Variants in POU4F1 observed in about 807,000 individuals in gnomAD.
POU4F1 encodes POU class 4 homeobox 1, also known as POU domain, class 4, transcription factor 1.
POU4F1 carries 5 observed loss-of-function variants against 19.8 expected under a neutral mutation model. The observed-to-expected ratio is 0.25, with a 90% CI of 0.13 to 0.53. The LOEUF (loss-of-function observed/expected upper bound fraction) is 0.53. POU4F1 is among the 20% of genes least tolerant of loss of function. POU4F1 has a pLI of 0.96. For synonymous variants in POU4F1, 266 were observed against 247.7 expected, an observed-to-expected ratio of 1.07 and a Z score of -0.69; for missense variants, 408 against 511.6, an observed-to-expected ratio of 0.80 and a Z score of 1.95.
At position 78,601,553 on chromosome 13, in the gene POU4F1, G is replaced by A. The variant is rs147924260; in HGVS notation, c.1122C>T (p.Phe374=). 1.2e-3 allele frequency: 1,881 copies of A among 1,613,968 alleles called. 6 individuals are homozygous for A. Among genetic ancestry groups the A allele is most frequent in the Non-Finnish European group, 1.5e-3 (1,800 of 1,180,038 alleles). ...APEKRSLEAY[F]AVQPRPSSEK... ...CGGACGAGGGCCGGGGCTGCACGGCGAAGTAGGCCTCGAGGGAGCGCTTCT... is the reference window on the plus strand; with the variant it reads ...CGGACGAGGGCCGGGGCTGCACGGCAAAGTAGGCCTCGAGGGAGCGCTTCT... The change falls in exon 2 of 2, where the codon TTC becomes TTT. Residue 374 remains phenylalanine, a synonymous_variant. Transcript: ENST00000377208.
Position 78,601,487 on chromosome 13 carries a change from C to T in POU4F1, c.1188G>A (p.Lys396=), listed in dbSNP as rs1433445422. The part of the protein sequence containing the change: ...AAIAEKLDLK[K]NVVRVWFCNQ... ...TGCAAAACCACACCCGCACCACGTT[C>T]TTTTTGAGGTCCAGTTTCTCGGCGA... is the stretch of plus-strand genomic sequence containing the variant. The change falls in exon 2 of 2, where the codon AAG becomes AAA. Residue 396 remains lysine (K), a synonymous_variant. Transcript: ENST00000377208. 1.2e-6 allele frequency: 2 copies of T among 1,613,884 alleles called. No homozygotes were observed. The highest frequency in any genetic ancestry group is 1.7e-6 in the Non-Finnish European group (2 of 1,180,018).
chr13:78,601,673 C>T lies in POU4F1; in HGVS notation c.1002G>A (p.Glu334=), dbSNP rs912515627. Residue 334 remains glutamate, a synonymous_variant, in exon 2 of 2, where the codon GAG becomes GAA. Coordinates refer to ENST00000377208, the MANE Select transcript of POU4F1 (RefSeq NM_006237.4). ...TCTCGCGCTGGGCGCCCTCGGCCTC[C>T]TCGAGCCACGCCTGCAGGATGGGCT... is the stretch of plus-strand genomic sequence containing the variant. The part of the protein sequence containing the change: ...ALKPILQAWL[E]EAEGAQREKM... 6.2e-7 allele frequency: 1 copy of T among 1,613,762 alleles called. No individual in the cohort carries two copies. Among genetic ancestry groups the T allele is most frequent in the African/African-American group, 1.3e-5 (1 of 75,056 alleles).
chr13:78,598,423 A>T lies in POU4F1; in HGVS notation c.*2992T>A, dbSNP rs545100511. On this transcript the variant is annotated 3_prime_UTR_variant, in exon 2 of 2. Coordinates refer to ENST00000377208, the MANE Select transcript of POU4F1 (RefSeq NM_006237.4). ...GTTTCAAGTCAATAACAGCAAAAAC[A>T]AATCAACTTTTTATGGAAGAGTTCT... The T allele has an allele frequency of 3.3e-5, 5 of 152,286 alleles. No individual in the cohort carries two copies. In the South Asian group the frequency reaches 8.3e-4, roughly 25 times the overall value. 9.4% of individuals were successfully genotyped at this position (152,286 alleles called of 1,614,324 possible).
chr13:78,602,063 C>A lies in POU4F1; in HGVS notation c.612G>T (p.Ala204=). 1 of 421,296 alleles carries A rather than the reference C, an allele frequency of 2.4e-6. No homozygotes were observed. The highest frequency in any genetic ancestry group is 3.2e-6 in the Non-Finnish European group (1 of 316,014). The allele number at this position is 421,296 out of a possible 1,614,324, so 26.1% of individuals were successfully genotyped here. ...CGGACGGCATGTTCATGGCGGCCGC[C>A]GCCGCGGGGTGCGACAGGTGGCCCA... ...HSLGHLSHPA[A]AAAMNMPSGL... Residue 204 remains alanine (A), a synonymous_variant, in exon 2 of 2, where the codon GCG becomes GCT. Coordinates refer to ENST00000377208, the MANE Select transcript of POU4F1 (RefSeq NM_006237.4).
chr13:78,602,675 A>C, intron 1 of POU4F1, 124 bp from the exon 2 acceptor site: 3 of 1,045,180 alleles, frequency 2.9e-6, no homozygotes, highest in Non-Finnish European at 2.5e-6. Context: ...AAGCAACCAA[A>C]ATAACAACGG....
At chr13:78,602,619 AACAC>A in intron 1 of POU4F1, 68 bp from the exon 2 acceptor site, 1 of 1,355,918 alleles carries the variant, frequency 7.4e-7, no homozygotes, top group Non-Finnish European at 9.5e-7. Flanking sequence ...CAACAGAAGA[AACAC>A]ACACACAGGC....
chr13:78,603,421 CGCGGCGGTCGCGGCGGCTG>C lies in POU4F1; in HGVS notation c.-114_-96del. 2 of 1,404,626 alleles carry C rather than the reference CGCGGCGGTCGCGGCGGCTG, an allele frequency of 1.4e-6. No homozygotes were observed. The highest frequency in any genetic ancestry group is 1.9e-6 in the Non-Finnish European group (2 of 1,076,768). 87.0% of individuals were successfully genotyped at this position (1,404,626 alleles called of 1,614,324 possible). A position where few individuals can be genotyped will look rare whatever the true frequency, so the allele number is the denominator to read the frequency against. On this transcript the variant is annotated 5_prime_UTR_variant, in exon 1 of 2. Coordinates refer to ENST00000377208, the MANE Select transcript of POU4F1 (RefSeq NM_006237.4). ...CCGGCCTCCCTTCGGAGGCTGCAGCCGCGGCGGTCGCGGCGGCTGGCGGCGGCCCCGCCGCGGGCTGCTG... is the reference window on the plus strand; with the variant it reads ...CCGGCCTCCCTTCGGAGGCTGCAGCCGCGGCGGCCCCGCCGCGGGCTGCTG...
chr13:78,601,301 A>G lies in POU4F1; in HGVS notation c.*114T>C, dbSNP rs1874685216. On this transcript the variant is annotated 3_prime_UTR_variant, in exon 2 of 2. Coordinates refer to ENST00000377208, the MANE Select transcript of POU4F1 (RefSeq NM_006237.4). ...AAAGAGAGCGAGAAGGGACTCCCCA[A>G]ATGCAGGCAGGATAACGGACACTCC... 2.0e-6 allele frequency: 3 copies of G among 1,492,870 alleles called. No individual in the cohort carries two copies. Among genetic ancestry groups the G allele is most frequent in the Admixed American group, 2.1e-5 (1 of 46,812 alleles). 92.5% of individuals were successfully genotyped at this position (1,492,870 alleles called of 1,614,324 possible).
Position 78,603,385 on chromosome 13 carries a change from C to T in POU4F1, c.-59G>A. 6.5e-7 allele frequency: 1 copy of T among 1,526,746 alleles called. No individual in the cohort carries two copies. The highest frequency in any genetic ancestry group is 8.8e-7 in the Non-Finnish European group (1 of 1,135,814). The allele number at this position is 1,526,746 out of a possible 1,614,324, so 94.6% of individuals were successfully genotyped here. ...CCGAAAGTCCGCGGGAAAGTGCGTA[C>T]GCCGGCTCACCCGGCCTCCCTTCGG... is the stretch of plus-strand genomic sequence containing the variant. On this transcript the variant is annotated 5_prime_UTR_variant, in exon 1 of 2. Coordinates refer to ENST00000377208, the MANE Select transcript of POU4F1 (RefSeq NM_006237.4).
chr13:78,601,505 C>T lies in POU4F1; in HGVS notation c.1170G>A (p.Glu390=). The part of the protein sequence containing the change: ...PSSEKIAAIA[E]KLDLKKNVVR... ...CCACGTTCTTTTTGAGGTCCAGTTT[C>T]TCGGCGATGGCGGCGATCTTCTCGG... Residue 390 remains glutamate (E), a synonymous_variant, in exon 2 of 2, where the codon GAG becomes GAA. Coordinates refer to ENST00000377208, the MANE Select transcript of POU4F1 (RefSeq NM_006237.4). 1 of 1,613,982 alleles carries T rather than the reference C, an allele frequency of 6.2e-7. No individual in the cohort carries two copies.
In POU4F1 at chr13:78,601,976, CGCCGCTGCCGCT is replaced by C. The variant is rs1024870460; in HGVS notation, c.687_698del (p.Ala234_Ala237del). ...CTGCCACCTGCCCGGCCGCCGCCGC[CGCCGCTGCCGCT>C]GCCGCGCCGTGGTGCGCCGCCGCCG... On this transcript the variant is annotated inframe_deletion, in exon 2 of 2. Coordinates refer to ENST00000377208, the MANE Select transcript of POU4F1 (RefSeq NM_006237.4). 10 of 1,051,384 alleles carry C rather than the reference CGCCGCTGCCGCT, an allele frequency of 9.5e-6. No individual in the cohort carries two copies. Among genetic ancestry groups the C allele is most frequent in the Non-Finnish European group, 1.1e-5 (10 of 870,422 alleles). 65.1% of individuals were successfully genotyped at this position (1,051,384 alleles called of 1,614,324 possible).
In POU4F1 at chr13:78,601,269, G is replaced by A; in HGVS notation, c.*146C>T. 1.5e-6 allele frequency: 2 copies of A among 1,353,298 alleles called. No individual in the cohort carries two copies. Among genetic ancestry groups the A allele is most frequent in the Non-Finnish European group, 2.0e-6 (2 of 1,015,476 alleles). The allele number at this position is 1,353,298 out of a possible 1,614,324, so 83.8% of individuals were successfully genotyped here. A position where few individuals can be genotyped will look rare whatever the true frequency, so the allele number is the denominator to read the frequency against. On this transcript the variant is annotated 3_prime_UTR_variant, in exon 2 of 2. Transcript: ENST00000377208. ...CAAAGGCAGGAAAATCAGAGAATGG[G>A]TGGAGGAAAGAGAGCGAGAAGGGAC...
At position 78,601,335 on chromosome 13, in the gene POU4F1, G is replaced by A. The variant is rs1874687144; in HGVS notation, c.*80C>T. On this transcript the variant is annotated 3_prime_UTR_variant, in exon 2 of 2. Transcript: ENST00000377208. ...AGGATAACGGACACTCCAAATCCGA[G>A]GGGAGGCAAGCAGAGGAAAGCCCCC... 6.3e-7 allele frequency: 1 copy of A among 1,584,026 alleles called. No homozygotes were observed. The highest frequency in any genetic ancestry group is 1.4e-5 in the African/African-American group (1 of 74,044).
chr13:78,601,655 C>A lies in POU4F1; in HGVS notation c.1020G>T (p.Gln340His). Residue 340 changes from glutamine to histidine, a missense_variant, in exon 2 of 2, where the codon CAG becomes CAT. Gln to His is a conservative substitution (Grantham distance 24). Around this residue, in one of 4 missense-constraint regions of POU4F1, gnomAD observed 39 missense variants for 36.8 expected, o/e 1.06. Coordinates refer to ENST00000377208, the MANE Select transcript of POU4F1 (RefSeq NM_006237.4). ...QAWLEEAEGA[Q>H]REKMNKPELF... is the part of the protein sequence containing the mutation. Reference sequence around the variant, plus strand: ...GCTCAGGCTTGTTCATTTTCTCGCGCTGGGCGCCCTCGGCCTCCTCGAGCC... The same window carrying A: ...GCTCAGGCTTGTTCATTTTCTCGCGATGGGCGCCCTCGGCCTCCTCGAGCC... 1 of 1,613,764 alleles carries A rather than the reference C, an allele frequency of 6.2e-7. No homozygotes were observed. Among genetic ancestry groups the A allele is most frequent in the East Asian group, 2.2e-5 (1 of 44,832 alleles).
At position 78,601,526 on chromosome 13, in the gene POU4F1, C is replaced by T. The variant is rs1013799902; in HGVS notation, c.1149G>A (p.Glu383=). 6 of 1,614,018 alleles carry T rather than the reference C, an allele frequency of 3.7e-6. No homozygotes were observed. The East Asian group carries it at 1.3e-4, about 36-fold the overall frequency. The part of the protein sequence containing the change: ...YFAVQPRPSS[E]KIAAIAEKLD... ...GTTTCTCGGCGATGGCGGCGATCTT[C>T]TCGGACGAGGGCCGGGGCTGCACGG... Residue 383 remains glutamate (E), a synonymous_variant, in exon 2 of 2, where the codon GAG becomes GAA. Transcript: ENST00000377208.
In POU4F1 at chr13:78,601,999, G is replaced by C. The variant is rs1249489735; in HGVS notation, c.676C>G (p.His226Asp). The C allele has an allele frequency of 1.1e-6, 1 of 926,296 alleles. No individual in the cohort carries two copies. Among genetic ancestry groups the C allele is most frequent in the Non-Finnish European group, 1.3e-6 (1 of 778,986 alleles). 57.4% of individuals were successfully genotyped at this position (926,296 alleles called of 1,614,324 possible). A position where few individuals can be genotyped will look rare whatever the true frequency, so the allele number is the denominator to read the frequency against. ...GCCGCCGCTGCCGCTGCCGCGCCGT[G>C]GTGCGCCGCCGCCGCCACCAGCCCG... ...HPGLVAAAAH[H>D]GAAAAAAAAA... Residue 226 changes from histidine (H) to aspartate (D), a missense_variant, in exon 2 of 2, where the codon CAC (histidine) becomes GAC (aspartate). Physicochemically the swap from His to Asp is moderately conservative, Grantham distance 81. Transcript: ENST00000377208.
At position 78,600,072 on chromosome 13, in the gene POU4F1, CT is replaced by C. The variant is rs1566266475; in HGVS notation, c.*1342del. 6.6e-6 allele frequency: 1 copy of C among 152,326 alleles called. No individual in the cohort carries two copies. Among genetic ancestry groups the C allele is most frequent in the Admixed American group, 6.5e-5 (1 of 15,286 alleles). The allele number at this position is 152,326 out of a possible 1,614,324, so 9.4% of individuals were successfully genotyped here. A position where few individuals can be genotyped will look rare whatever the true frequency, so the allele number is the denominator to read the frequency against. ...GGGGGTGGGGGCACTTTAAATCTGT[CT>C]TCCTCTTTTCTGGGATTTAGGTGAT... On this transcript the variant is annotated 3_prime_UTR_variant, in exon 2 of 2. Coordinates refer to ENST00000377208, the MANE Select transcript of POU4F1 (RefSeq NM_006237.4).
rs1286240345 is a variant in POU4F1, at chr13:78,600,811, T to A, written c.*604A>T. 2 of 153,124 alleles carry A rather than the reference T, an allele frequency of 1.3e-5. No individual in the cohort carries two copies. The highest frequency in any genetic ancestry group is 2.9e-5 in the Non-Finnish European group (2 of 68,668). The allele number at this position is 153,124 out of a possible 1,614,324, so 9.5% of individuals were successfully genotyped here. On this transcript the variant is annotated 3_prime_UTR_variant, in exon 2 of 2. Transcript: ENST00000377208. ...GGTTTTCGTTTTTCGACTCAGTTCG[T>A]GCGTGTAGGGTTGGGGAGGTGGTAA...
chr13:78,601,939 C>T lies in POU4F1; in HGVS notation c.736G>A (p.Ala246Thr). The change falls in exon 2 of 2, where the codon GCG becomes ACG. Residue 246 changes from alanine to threonine, a missense_variant. Coordinates refer to ENST00000377208, the MANE Select transcript of POU4F1 (RefSeq NM_006237.4). ...CCCGCTGCGCCCACCACGGCCGCCG[C>T]CGCCGATGCCGCTGCCACCTGCCCG... ...AAGQVAAASA[A>T]AAVVGAAGLA... 4 of 1,256,546 alleles carry T rather than the reference C, an allele frequency of 3.2e-6. No individual in the cohort carries two copies. Among genetic ancestry groups the T allele is most frequent in the African/African-American group, 1.6e-5 (1 of 64,238 alleles). The allele number at this position is 1,256,546 out of a possible 1,614,324, so 77.8% of individuals were successfully genotyped here.
Sources: gnomAD v4.1 joint callset for allele counts on GRCh38, gnomAD v4.1.1 for gene constraint, gnomAD v4.1.1 regional missense constraint, MANE v1.5 for transcripts, NCBI Gene and HGNC (gene_info 2026-07-23, HGNC 2026-07-21) for gene names.